Variants in CSMD1 observed in about 807,000 individuals in gnomAD.
CSMD1 encodes CUB and sushi domain-containing protein 1.
A neutral mutation model predicts 417.5 loss-of-function variants in CSMD1; 213 were observed. The ratio of observed to expected loss-of-function variants is 0.51; its 90% CI spans 0.46 to 0.57. The LOEUF (loss-of-function observed/expected upper bound fraction) is 0.57. CSMD1 is among the 20% of genes least tolerant of loss of function. The probability of loss-of-function intolerance (pLI) is 0.00; values close to 1 mark genes in which losing one functional copy is unlikely to be tolerated. For missense variants in CSMD1, 6,923 were observed against 4,529.7 expected (o/e 1.53, Z -15.17); for synonymous variants, 2,862 against 1,736.8 (o/e 1.65, Z -16.11).
In CSMD1 at chr8:4,031,567, G is replaced by A. The variant is rs146153273; in HGVS notation, c.610+338C>T. Among the ~76,000 whole-genome samples, 66 of 152,234 alleles carry A rather than the reference G, an allele frequency of 4.3e-4. 2 individuals are homozygous for A. In the East Asian group the frequency reaches 0.012, roughly 28 times the overall value. ...ACCGTTCAACATGAGGTTTGGGTGA[G>A]GACAGAGCTAAATCATATCAGAAGT... On this transcript the variant is annotated intron_variant, in intron 4 of 69. Coordinates refer to ENST00000635120, the MANE Select transcript of CSMD1 (RefSeq NM_033225.6).
At chr8:3,169,760 T>C (rs771205634) in intron 37 of CSMD1, among the ~76,000 whole-genome samples, 1 of 152,104 alleles carries the variant, frequency 6.6e-6, no homozygotes, top group Non-Finnish European at 1.5e-5. Context: ...TATAGCACGG[T>C]TTCTTTTCAA....
intron 3 of CSMD1, among the ~76,000 whole-genome samples, chr8:4,229,173 G>C (rs567574754): frequency 6.6e-6 from 1 of 152,150 alleles, no homozygotes; most frequent in Non-Finnish European, 1.5e-5. Context: ...CAAAAACCCG[G>C]AGTCAACTTG....
intron 2 of CSMD1, among the ~76,000 whole-genome samples, chr8:4,427,288 G>A (rs757827616): frequency 2.0e-5 from 3 of 152,164 alleles, no homozygotes; most frequent in Non-Finnish European, 2.9e-5. Context: ...GCCTTGGTGA[G>A]CAGGTCTTGG....
intron 3 of CSMD1, among the ~76,000 whole-genome samples, chr8:4,298,277 G>C (rs1445373337): frequency 1.3e-5 from 2 of 152,106 alleles, no homozygotes; most frequent in Non-Finnish European, 2.9e-5. Context: ...AAGGTAAGAA[G>C]TTACAATAAT....
At chr8:3,566,511 C>T (rs866911482) in intron 10 of CSMD1, among the ~76,000 whole-genome samples, 10 of 150,868 alleles carry the variant, frequency 6.6e-5, no homozygotes, top group Middle Eastern at 3.4e-3. Context: ...TGCTCAGCCC[C>T]GGTACACCCA....
chr8:3,252,911 A>C (rs1194755557), intron 26 of CSMD1, among the ~76,000 whole-genome samples: 7 of 151,826 alleles, frequency 4.6e-5, no homozygotes, highest in East Asian at 1.9e-4. Flanking sequence ...TGGTGATATT[A>C]CCTTTATCAT....
intron 49 of CSMD1, among the ~76,000 whole-genome samples, chr8:3,079,143 C>T (rs1039291934): frequency 6.6e-6 from 1 of 152,150 alleles, no homozygotes; most frequent in African/African-American, 2.4e-5. Flanking sequence ...CCTTTCAAAT[C>T]CCCTAAGATT....
chr8:4,312,268 CT>C (rs576349595), intron 3 of CSMD1, among the ~76,000 whole-genome samples: 182 of 151,600 alleles, frequency 1.2e-3, no homozygotes, highest in African/African-American at 3.9e-3. Context: ...TATTGGCAAA[CT>C]TTAGCATTGA....
chr8:4,674,304 T>A (rs1317610252), intron 1 of CSMD1, among the ~76,000 whole-genome samples: 1 of 152,042 alleles, frequency 6.6e-6, no homozygotes. Flanking sequence ...GGGATGGACC[T>A]GGATTGAGGC....
chr8:4,194,352 A>C (rs1324852336), intron 3 of CSMD1, among the ~76,000 whole-genome samples: 1 of 152,184 alleles, frequency 6.6e-6, no homozygotes, highest in African/African-American at 2.4e-5. Context: ...CCACAGACCT[A>C]ATTTGCCATG....
intron 3 of CSMD1, among the ~76,000 whole-genome samples, chr8:4,154,424 C>T (rs535982893): frequency 3.9e-5 from 6 of 152,142 alleles, no homozygotes; most frequent in Non-Finnish European, 8.8e-5. Flanking sequence ...TTAGCAGATG[C>T]CACTTTATTG....
chr8:4,030,340 T>G (rs911847989), intron 4 of CSMD1, among the ~76,000 whole-genome samples: 1 of 152,180 alleles, frequency 6.6e-6, no homozygotes. Context: ...TTTCTATACT[T>G]CCTCTGAAAT....
At chr8:4,035,883 TCA>T (rs1797589880) in intron 3 of CSMD1, among the ~76,000 whole-genome samples, 1 of 152,170 alleles carries the variant, frequency 6.6e-6, no homozygotes, top group Non-Finnish European at 1.5e-5. Flanking sequence ...TCCGAAGCCT[TCA>T]CAGTCACCCC....
At chr8:3,487,997 A>G (rs530690790) in intron 11 of CSMD1, among the ~76,000 whole-genome samples, 9 of 149,850 alleles carry the variant, frequency 6.0e-5, no homozygotes, top group Non-Finnish European at 1.3e-4. Context: ...AGACTAAAAA[A>G]AAGACCCTAC....
intron 23 of CSMD1, among the ~76,000 whole-genome samples, chr8:3,328,800 A>C (rs1413758488): frequency 6.6e-6 from 1 of 152,250 alleles, no homozygotes; most frequent in Non-Finnish European, 1.5e-5. Flanking sequence ...ATAAATTTTA[A>C]ATTAAATTGG....
intron 3 of CSMD1, among the ~76,000 whole-genome samples, chr8:4,085,473 G>C (rs1011179175): frequency 3.9e-5 from 6 of 152,148 alleles, no homozygotes; most frequent in Admixed American, 2.0e-4. Flanking sequence ...TTTGCTGACA[G>C]TTTAAAACCC....
chr8:3,451,632 A>G (rs1260334354), intron 12 of CSMD1, among the ~76,000 whole-genome samples: 1 of 152,044 alleles, frequency 6.6e-6, no homozygotes, highest in African/African-American at 2.4e-5. Context: ...TTGTAGATAT[A>G]TGGCATTATT....
intron 1 of CSMD1, among the ~76,000 whole-genome samples, chr8:4,667,625 A>G (rs1266252209): frequency 1.3e-5 from 2 of 152,166 alleles, no homozygotes; most frequent in Non-Finnish European, 2.9e-5. Context: ...ACGCTATTGC[A>G]TATGGGATTA....
At chr8:3,939,077 A>G (rs1810699096) in intron 5 of CSMD1, among the ~76,000 whole-genome samples, 1 of 152,170 alleles carries the variant, frequency 6.6e-6, no homozygotes, top group African/African-American at 2.4e-5. Flanking sequence ...CAGAATAAAT[A>G]AATCTCCTAA....
Sources: allele counts gnomAD v4.1 joint callset (sites outside exome capture counted in the v4.1 genomes callset), GRCh38; gene constraint gnomAD v4.1.1; transcripts MANE v1.5; gene names NCBI Gene and HGNC (gene_info 2026-07-23, HGNC 2026-07-21).